The following IRAG1 variants were observed in gnomAD, a reference collection of about 807,000 sequenced individuals.
IRAG1 encodes the protein IP3R-associated cGMP kinase substrate.
IRAG1 carries 62 observed loss-of-function variants against 106.2 expected under a neutral mutation model. The ratio of observed to expected loss-of-function variants is 0.58; its 90% confidence interval spans 0.48 to 0.72. The LOEUF is 0.72. Ranked by LOEUF, IRAG1 falls within the 30% of genes least tolerant of loss-of-function variation. IRAG1 has a pLI of 0.00. For missense variants in IRAG1, 1,064 were observed against 1,140.7 expected (o/e 0.93, Z 0.97); for synonymous variants, 462 against 443.9 (o/e 1.04, Z -0.51).
chr11:10,668,317 A>G (rs909360854), intron 1 of IRAG1, among the ~76,000 whole-genome samples: 1 of 152,248 alleles, frequency 6.6e-6, no homozygotes, highest in African/African-American at 2.4e-5. Flanking sequence ...TTCAAATTTG[A>G]AAAGTATGTA....
At position 10,693,647 on chromosome 11, in the gene IRAG1, G is replaced by A. The variant is rs1375758252; in HGVS notation, c.-45C>T. 8 of 1,532,656 alleles carry A rather than the reference G, an allele frequency of 5.2e-6. No individual in the cohort carries two copies. Among genetic ancestry groups the A allele is most frequent in the African/African-American group, 2.7e-5 (2 of 73,086 alleles). 94.9% of individuals were successfully genotyped at this position (1,532,656 alleles called of 1,614,324 possible). A position where few individuals can be genotyped will look rare whatever the true frequency, so the allele number is the denominator to read the frequency against. On this transcript the variant is annotated 5_prime_UTR_variant, in exon 1 of 21. Transcript: ENST00000423302. The stretch of plus-strand genomic sequence containing the variant: ...TGGCTCCGGAGCTCAGAGCCGAGAA[G>A]CCTCTGGCTGCAGAACCTCGGCCGC...
In IRAG1 at chr11:10,581,910, G is replaced by A; in HGVS notation, c.2317C>T (p.Gln773Ter). 1 of 1,613,910 alleles carries A rather than the reference G, an allele frequency of 6.2e-7. No homozygotes were observed. The highest frequency in any genetic ancestry group is 8.5e-7 in the Non-Finnish European group (1 of 1,179,830). Residue 773 changes from glutamine (Q) to a stop codon, truncating the protein, a stop_gained, in exon 19 of 21, where the codon CAG (glutamine) becomes TAG (stop). Transcript: ENST00000423302. LOFTEE classifies it high-confidence loss of function. The stretch of plus-strand genomic sequence containing the variant: ...TCCTCCATCCTGGCCTTGGTCTCCT[G>A]ACTAAGCTCCTCCAGGCAGCTCAGG... ...LTLSCLEELS[Q>*]ETKARMEEEA... is the part of the protein sequence containing the mutation.
At position 10,636,110 on chromosome 11, in the gene IRAG1, T is replaced by C. The variant is rs1252089421; in HGVS notation, c.226-2039A>G. ...GTGGACAAGTTATTTAACCTCTCTA[T>C]GATCCATGATTATAAAGTCTAACTC... On this transcript the variant is annotated intron_variant, in intron 2 of 20. Transcript: ENST00000423302. 2.6e-5 allele frequency among the ~76,000 whole-genome samples: 4 copies of C among 152,358 alleles called. No homozygotes were observed. The East Asian group carries it at 7.7e-4, about 29-fold the overall frequency.
chr11:10,582,077 G>A lies in IRAG1; in HGVS notation c.2241-91C>T. 3 of 1,448,938 alleles carry A rather than the reference G, an allele frequency of 2.1e-6. No homozygotes were observed. The South Asian group carries it at 4.2e-5, about 20-fold the overall frequency. The allele number at this position is 1,448,938 out of a possible 1,614,324, so 89.8% of individuals were successfully genotyped here. On this transcript the variant is annotated intron_variant, in intron 18 of 20. Coordinates refer to ENST00000423302, the MANE Select transcript of IRAG1 (RefSeq NM_130385.4). The stretch of plus-strand genomic sequence containing the variant: ...TGTTTTTGGCCCGATTCCTGATTAG[G>A]AGTGAGGAAACTCAGGCTTTTTCAG...
rs1013623985 is a variant in IRAG1 at position 10,627,775 on chromosome 11, G to C, written c.706-15C>G. 6.2e-7 allele frequency: 1 copy of C among 1,613,928 alleles called. No individual in the cohort carries two copies. The highest frequency in any genetic ancestry group is 8.5e-7 in the Non-Finnish European group (1 of 1,179,868). ...TCATCCCCCTTCTGCTGGAGAAGGTGAACAGGAGTCAGTCAGCAATGGGAA... is the reference window on the plus strand; with the variant it reads ...TCATCCCCCTTCTGCTGGAGAAGGTCAACAGGAGTCAGTCAGCAATGGGAA... On this transcript the variant is annotated splice_polypyrimidine_tract_variant and intron_variant, in intron 7 of 20. Coordinates refer to ENST00000423302, the MANE Select transcript of IRAG1 (RefSeq NM_130385.4).
At chr11:10,643,308 C>T (rs1183511986) in intron 2 of IRAG1, among the ~76,000 whole-genome samples, 2 of 152,180 alleles carry the variant, frequency 1.3e-5, no homozygotes, top group Admixed American at 6.5e-5. Flanking sequence ...GGGGCTCCTC[C>T]CTGCCAAGCA....
chr11:10,639,170 T>A (rs1485235730), intron 2 of IRAG1, among the ~76,000 whole-genome samples: 1 of 152,242 alleles, frequency 6.6e-6, no homozygotes, highest in East Asian at 1.9e-4. Context: ...TCTGCCTGCC[T>A]TGGCCTCCCA....
chr11:10,683,569 G>A (rs911255292), intron 1 of IRAG1, among the ~76,000 whole-genome samples: 2 of 152,100 alleles, frequency 1.3e-5, no homozygotes, highest in African/African-American at 4.8e-5. Context: ...CTGGTTCTCT[G>A]CTGTGTGCTT....
intron 1 of IRAG1, among the ~76,000 whole-genome samples, chr11:10,692,889 C>A (rs1172643235): frequency 1.3e-5 from 2 of 152,196 alleles, no homozygotes; most frequent in East Asian, 3.9e-4. Flanking sequence ...GGAATCGCTT[C>A]AACTCGGAGC....
At chr11:10,592,499 T>C (rs974885174) in intron 17 of IRAG1, among the ~76,000 whole-genome samples, 1 of 152,232 alleles carries the variant, frequency 6.6e-6, no homozygotes, top group Non-Finnish European at 1.5e-5. Flanking sequence ...AAGCAGTGAA[T>C]ACCACTCATT....
At chr11:10,640,293 G>A (rs1857424714) in intron 2 of IRAG1, among the ~76,000 whole-genome samples, 1 of 152,228 alleles carries the variant, frequency 6.6e-6, no homozygotes, top group African/African-American at 2.4e-5. Context: ...CAAGTGCCAA[G>A]CAGGTAACCG....
At chr11:10,662,878 G>A (rs1859506203) in intron 1 of IRAG1, among the ~76,000 whole-genome samples, 1 of 152,348 alleles carries the variant, frequency 6.6e-6, no homozygotes, top group African/African-American at 2.4e-5. Flanking sequence ...TCTGGGAAAT[G>A]TACCTTATTT....
At chr11:10,601,111 T>A in intron 14 of IRAG1, 52 bp from the exon 15 acceptor site, 1 of 1,606,538 alleles carries the variant, frequency 6.2e-7, no homozygotes, top group Non-Finnish European at 8.5e-7. Context: ...AAAGGCTCCG[T>A]TGGCACTTAT....
At chr11:10,663,773 C>G (rs80080074) in intron 1 of IRAG1, among the ~76,000 whole-genome samples, 2,268 of 152,302 alleles carry the variant, frequency 0.015, 60 homozygotes, top group African/African-American at 0.052. Flanking sequence ...AGGAATCAAG[C>G]CTCACTTTTC....
intron 18 of IRAG1, among the ~76,000 whole-genome samples, chr11:10,585,827 G>A (rs1267682286): frequency 1.3e-5 from 2 of 152,150 alleles, no homozygotes; most frequent in Admixed American, 6.5e-5. Context: ...CTAAATTCAC[G>A]TTATTGGTGC....
chr11:10,573,520 G>A lies in IRAG1; in HGVS notation c.*2812C>T, dbSNP rs1591521119. On this transcript the variant is annotated 3_prime_UTR_variant, in exon 21 of 21. Transcript: ENST00000423302. ...CTGGTCTTTGCTTTCCAGAAAAGAT[G>A]GACTCATGAGCACTTTTTCAGCCCC... 2 of 152,236 alleles carry A rather than the reference G, an allele frequency of 1.3e-5. No individual in the cohort carries two copies. Among genetic ancestry groups the A allele is most frequent in the South Asian group, 4.1e-4 (2 of 4,830 alleles). The allele number at this position is 152,236 out of a possible 1,614,324, so 9.4% of individuals were successfully genotyped here.
chr11:10,677,347 C>T (rs1224411389), intron 1 of IRAG1, among the ~76,000 whole-genome samples: 1 of 152,204 alleles, frequency 6.6e-6, no homozygotes, highest in African/African-American at 2.4e-5. Context: ...TACTGTAGTA[C>T]CTCTTGGTGT....
At chr11:10,602,619 A>G (rs11042893) in intron 14 of IRAG1, among the ~76,000 whole-genome samples, 63,938 of 152,010 alleles carry the variant, frequency 0.42, 14,058 homozygotes, top group East Asian at 0.73. Flanking sequence ...CTGCATCTTC[A>G]TCTGGGAGAC....
At position 10,574,946 on chromosome 11, in the gene IRAG1, T is replaced by C. The variant is rs1014053705; in HGVS notation, c.*1386A>G. ...TGGGAAGGGTAATATCCACTTCGTA[T>C]TTTTTTTTCTTTTTCTTCAGGACTT... On this transcript the variant is annotated 3_prime_UTR_variant, in exon 21 of 21. Coordinates refer to ENST00000423302, the MANE Select transcript of IRAG1 (RefSeq NM_130385.4). 1.3e-5 allele frequency: 2 copies of C among 151,814 alleles called. No individual in the cohort carries two copies. Among genetic ancestry groups the C allele is most frequent in the East Asian group, 3.9e-4 (2 of 5,180 alleles). 9.4% of individuals were successfully genotyped at this position (151,814 alleles called of 1,614,324 possible).
Sources: gnomAD v4.1 joint callset for allele counts (sites outside exome capture counted in the v4.1 genomes callset) on GRCh38, gnomAD v4.1.1 for gene constraint, MANE v1.5 for transcripts, NCBI Gene and HGNC (gene_info 2026-07-23, HGNC 2026-07-21) for gene names.